ITPKB: variants seen among roughly 807,000 people sequenced by gnomAD.
The protein encoded by ITPKB is IP3 3-kinase B.
In ITPKB, 13 loss-of-function variants were observed where a neutral mutation model predicts 69.4. That is an observed-to-expected ratio of 0.19 (90% CI 0.12 to 0.30). The LOEUF (loss-of-function observed/expected upper bound fraction) is 0.30. Ranked by LOEUF, ITPKB falls within the 10% of genes least tolerant of loss-of-function variation. The pLI, the probability that ITPKB is intolerant of heterozygous loss-of-function variation, is 1.00. For synonymous variants in ITPKB, 584 were observed against 513.7 expected (o/e 1.14, Z -1.85); for missense variants, 1,240 against 1,250.5 (o/e 0.99, Z 0.13).
intron 2 of ITPKB, among the ~76,000 whole-genome samples, chr1:226,723,363 C>A (rs1019833170): frequency 2.0e-5 from 3 of 152,224 alleles, no homozygotes; most frequent in East Asian, 1.9e-4. Flanking sequence ...TGAATGGACA[C>A]GTGACGGGCC....
Position 226,736,232 on chromosome 1 carries a change from C to G in ITPKB, c.1227G>C (p.Leu409=). The change falls in exon 2 of 8, where the codon CTG becomes CTC. Residue 409 remains leucine, a synonymous_variant. Coordinates refer to ENST00000429204, the MANE Select transcript of ITPKB (RefSeq NM_002221.4). ...SVQSAESSDS[L]SWSRLPRALA... ...GGGCCCTGGGCAGCCTGGACCAGCT[C>G]AGGGAATCAGAGGACTCTGCGCTTT... 1 of 1,543,126 alleles carries G rather than the reference C, an allele frequency of 6.5e-7. No individual in the cohort carries two copies. Among genetic ancestry groups the G allele is most frequent in the Non-Finnish European group, 8.7e-7 (1 of 1,147,492 alleles).
chr1:226,703,509 T>TCC (rs1656724410), intron 2 of ITPKB, among the ~76,000 whole-genome samples: 1 of 152,038 alleles, frequency 6.6e-6, no homozygotes, highest in South Asian at 2.1e-4. Context: ...GGCCCCCACC[T>TCC]CCTCTCTCCT....
In ITPKB at chr1:226,736,760, T is replaced by G. The variant is rs371043507; in HGVS notation, c.699A>C (p.Gly233=). Residue 233 remains glycine, a synonymous_variant, in exon 2 of 8, where the codon GGA becomes GGC. Transcript: ENST00000429204. The part of the protein sequence containing the change: ...PSLCSSQVKK[G]MPPLPGRAAP... ...CAGCCCGGCCGGGAAGAGGTGGCAT[T>G]CCTTTCTTCACCTGCGAGGAGCATA... 1 of 1,613,012 alleles carries G rather than the reference T, an allele frequency of 6.2e-7. No homozygotes were observed. The highest frequency in any genetic ancestry group is 8.5e-7 in the Non-Finnish European group (1 of 1,179,978).
intron 2 of ITPKB, among the ~76,000 whole-genome samples, chr1:226,687,234 C>A (rs1304795858): frequency 2.0e-5 from 3 of 152,192 alleles, no homozygotes; most frequent in Admixed American, 2.0e-4. Flanking sequence ...AGAAATAGTG[C>A]AGAATGCTGC....
At chr1:226,645,298 C>G (rs1357510510) in intron 4 of ITPKB, among the ~76,000 whole-genome samples, 1 of 152,196 alleles carries the variant, frequency 6.6e-6, no homozygotes, top group African/African-American at 2.4e-5. Flanking sequence ...TCATCCTCTT[C>G]CCTCTGCCTG....
At chr1:226,686,285 C>T (rs377130274) in intron 2 of ITPKB, among the ~76,000 whole-genome samples, 2 of 152,212 alleles carry the variant, frequency 1.3e-5, no homozygotes, top group African/African-American at 4.8e-5. Context: ...ACTCCCTAGT[C>T]ACCCAGTGGG....
intron 2 of ITPKB, among the ~76,000 whole-genome samples, chr1:226,695,510 C>G (rs977073760): frequency 6.6e-6 from 1 of 152,158 alleles, no homozygotes; most frequent in African/African-American, 2.4e-5. Context: ...TCCACAGATG[C>G]CAACATAATC....
chr1:226,718,286 T>C (rs1657143988), intron 2 of ITPKB, among the ~76,000 whole-genome samples: 1 of 127,610 alleles, frequency 7.8e-6, no homozygotes. Context: ...AGAGCAAGAC[T>C]TCTCAAAAAA....
Position 226,737,392 on chromosome 1 carries a change from C to A in ITPKB, c.67G>T (p.Gly23Cys). 6.2e-7 allele frequency: 1 copy of A among 1,610,962 alleles called. No homozygotes were observed. ...IMNSANEMKS[G>C]GGPGPSGSET... ...CTGCCACTGGGCCCCGGGCCGCCGC[C>A]GCTCTTCATCTCGTTGGCGCTATTC... is the stretch of plus-strand genomic sequence containing the variant. Residue 23 changes from glycine (G) to cysteine (C), a missense_variant, in exon 2 of 8, where the codon GGC becomes TGC. Physicochemically the swap from Gly to Cys is radical, Grantham distance 159 (BLOSUM62 -3). Coordinates refer to ENST00000429204, the MANE Select transcript of ITPKB (RefSeq NM_002221.4).
chr1:226,657,634 ATAGTGT>A (rs771895281), intron 2 of ITPKB, among the ~76,000 whole-genome samples: 7 of 152,266 alleles, frequency 4.6e-5, no homozygotes, highest in Non-Finnish European at 8.8e-5. Context: ...CATGTCTAAC[ATAGTGT>A]TAGATACTAA....
chr1:226,696,091 T>A (rs1656478010), intron 2 of ITPKB, among the ~76,000 whole-genome samples: 1 of 152,140 alleles, frequency 6.6e-6, no homozygotes, highest in South Asian at 2.1e-4. Flanking sequence ...ACCCACCCAT[T>A]AATGCCCCTA....
intron 1 of ITPKB, among the ~76,000 whole-genome samples, chr1:226,737,871 GC>G (rs987028462): frequency 2.6e-5 from 4 of 152,064 alleles, no homozygotes; most frequent in African/African-American, 7.2e-5. Context: ...GTGCTTCCCC[GC>G]CCCCCACCTC....
At chr1:226,732,836 C>T (rs1657632361) in intron 2 of ITPKB, among the ~76,000 whole-genome samples, 1 of 152,174 alleles carries the variant, frequency 6.6e-6, no homozygotes, top group African/African-American at 2.4e-5. Context: ...AGCCATTGCA[C>T]ACTGGGCGTG....
At chr1:226,733,195 T>A (rs1315467059) in intron 2 of ITPKB, among the ~76,000 whole-genome samples, 1 of 152,118 alleles carries the variant, frequency 6.6e-6, no homozygotes, top group Non-Finnish European at 1.5e-5. Flanking sequence ...TAAGCAAGTG[T>A]GAGCAAGCAT....
chr1:226,721,827 T>G (rs1230252507), intron 2 of ITPKB, among the ~76,000 whole-genome samples: 1 of 150,654 alleles, frequency 6.6e-6, no homozygotes, highest in African/African-American at 2.4e-5. Flanking sequence ...TTTTTTTTTT[T>G]CTTGAGATGG....
intron 2 of ITPKB, among the ~76,000 whole-genome samples, chr1:226,658,757 G>C (rs112063861): frequency 2.2e-4 from 33 of 152,266 alleles, no homozygotes; most frequent in Non-Finnish European, 4.6e-4. Context: ...TGGAACCCAT[G>C]AGCGTAGGGT....
At chr1:226,678,214 A>G (rs1310047133) in intron 2 of ITPKB, among the ~76,000 whole-genome samples, 2 of 152,240 alleles carry the variant, frequency 1.3e-5, no homozygotes, top group Non-Finnish European at 2.9e-5. Flanking sequence ...CATGTGAAGA[A>G]TTTTACAAAA....
intron 2 of ITPKB, among the ~76,000 whole-genome samples, chr1:226,667,499 C>T (rs1420388544): frequency 6.6e-6 from 1 of 152,188 alleles, no homozygotes; most frequent in East Asian, 1.9e-4. Flanking sequence ...CAGCAGCATC[C>T]AGACTCAGTG....
At chr1:226,697,262 G>A (rs919285023) in intron 2 of ITPKB, among the ~76,000 whole-genome samples, 10 of 152,214 alleles carry the variant, frequency 6.6e-5, no homozygotes, top group African/African-American at 2.2e-4. Flanking sequence ...GCTGTGAGGC[G>A]TGATTAAGGC....
Sources: gnomAD v4.1 joint callset for allele counts (sites outside exome capture counted in the v4.1 genomes callset) on GRCh38, gnomAD v4.1.1 for gene constraint, MANE v1.5 for transcripts, NCBI Gene and HGNC (gene_info 2026-07-23, HGNC 2026-07-21) for gene names.